The following SPATA16 variants were observed in gnomAD, a reference collection of about 807,000 sequenced individuals.
SPATA16 encodes spermatogenesis associated 16.
In SPATA16, 36 loss-of-function variants were observed where a neutral mutation model predicts 63.3. The observed-to-expected ratio is 0.57, with a 90% CI of 0.44 to 0.75. The LOEUF (loss-of-function observed/expected upper bound fraction) is 0.75, where lower values mean the gene tolerates loss of function less well. Among genes scored for constraint, SPATA16 ranks in the 30% least tolerant of loss-of-function variants. The pLI is 0.00. For missense variants in SPATA16, 646 were observed against 679.3 expected, an observed-to-expected ratio of 0.95 and a Z score of 0.54; for synonymous variants, 203 against 216.7, an observed-to-expected ratio of 0.94 and a Z score of 0.56.
intron 2 of SPATA16, among the ~76,000 whole-genome samples, chr3:173,090,929 C>T (rs1281615723): frequency 6.6e-6 from 1 of 152,030 alleles, no homozygotes; most frequent in Non-Finnish European, 1.5e-5. Context: ...CTTCTGGGCA[C>T]CTCTCTTTTT....
chr3:173,006,708 C>A (rs1196150606), intron 4 of SPATA16, among the ~76,000 whole-genome samples: 2 of 152,188 alleles, frequency 1.3e-5, no homozygotes, highest in African/African-American at 4.8e-5. Flanking sequence ...TGAGTGATTA[C>A]TTATCTACAG....
rs532127989 is a variant in SPATA16, at chr3:172,896,475, C to T, written c.1588-6783G>A. 7.6e-4 allele frequency among the ~76,000 whole-genome samples: 115 copies of T among 152,304 alleles called. 1 individual carries two copies. The highest frequency in any genetic ancestry group is 2.7e-3 in the African/African-American group (111 of 41,556). On this transcript the variant is annotated intron_variant, in intron 10 of 10. Coordinates refer to ENST00000351008, the MANE Select transcript of SPATA16 (RefSeq NM_031955.6). ...TGACTTCGTGATCCGCCTGCCTTGG[C>T]CTCCCAAAGTGCTGGGATTACAGGC...
intron 2 of SPATA16, among the ~76,000 whole-genome samples, chr3:173,096,562 A>G (rs1577172472): frequency 6.6e-6 from 1 of 152,266 alleles, no homozygotes; most frequent in East Asian, 1.9e-4. Flanking sequence ...GATAAAAAAT[A>G]TTAGTAATAC....
At chr3:172,920,908 T>G (rs559090770) in intron 8 of SPATA16, among the ~76,000 whole-genome samples, 1 of 152,328 alleles carries the variant, frequency 6.6e-6, no homozygotes, top group Admixed American at 6.5e-5. Context: ...CCTGCTGTTA[T>G]GAATGCTGAA....
Position 173,088,028 on chromosome 3 carries a change from T to C in SPATA16, c.612+29092A>G, listed in dbSNP as rs1431238186. 2.2e-3 allele frequency among the ~76,000 whole-genome samples: 279 copies of C among 124,232 alleles called. 6 individuals carry two copies. The highest frequency in any genetic ancestry group is 7.6e-3 in the African/African-American group (261 of 34,266). The allele number at this position is 124,232 out of a possible 152,430, so 81.5% of individuals were successfully genotyped here. On this transcript the variant is annotated intron_variant, in intron 2 of 10. Coordinates refer to ENST00000351008, the MANE Select transcript of SPATA16 (RefSeq NM_031955.6). ...TTTCCGTCTTTCTTTCTTTCTTTCTTTCTTTCTTTCTTTCTTTCTTTCTTT... is the reference window on the plus strand; with the variant it reads ...TTTCCGTCTTTCTTTCTTTCTTTCTCTCTTTCTTTCTTTCTTTCTTTCTTT...
Position 173,002,760 on chromosome 3 carries a change from T to TATTC in SPATA16, c.848+16722_848+16725dup, listed in dbSNP as rs150406382. ...GTAGCATACAGACAAAAGATCAACA[T>TATTC]ATTCATATATGGAAAATGGATGTGG... is the stretch of plus-strand genomic sequence containing the variant. On this transcript the variant is annotated intron_variant, in intron 4 of 10. Coordinates refer to ENST00000351008, the MANE Select transcript of SPATA16 (RefSeq NM_031955.6). Among the ~76,000 whole-genome samples the TATTC allele has an allele frequency of 3.8e-3, 581 of 152,208 alleles. 3 individuals are homozygous for TATTC. Among genetic ancestry groups the TATTC allele is most frequent in the African/African-American group, 0.014 (565 of 41,520 alleles).
chr3:172,986,853 G>A (rs1443211822), intron 4 of SPATA16, among the ~76,000 whole-genome samples: 1 of 152,138 alleles, frequency 6.6e-6, no homozygotes, highest in East Asian at 1.9e-4. Context: ...GGAGGTGATT[G>A]CAGGAATTCT....
At chr3:173,002,955 T>A (rs575234369) in intron 4 of SPATA16, among the ~76,000 whole-genome samples, 19 of 152,314 alleles carry the variant, frequency 1.2e-4, no homozygotes, top group South Asian at 4.1e-4. Flanking sequence ...CTGTAAAATG[T>A]TCATAGATAT....
intron 2 of SPATA16, among the ~76,000 whole-genome samples, chr3:173,086,043 G>A (rs1737043254): frequency 6.6e-6 from 1 of 151,964 alleles, no homozygotes; most frequent in Admixed American, 6.6e-5. Flanking sequence ...GGTGATGCTG[G>A]CCTCATAAAA....
chr3:173,127,215 T>TAA (rs1738249045), intron 1 of SPATA16, among the ~76,000 whole-genome samples: 1 of 152,152 alleles, frequency 6.6e-6, no homozygotes, highest in South Asian at 2.1e-4. Context: ...GGCACACACA[T>TAA]AAAAACATTT....
At chr3:173,030,737 A>G (rs543264048) in intron 3 of SPATA16, among the ~76,000 whole-genome samples, 1 of 152,212 alleles carries the variant, frequency 6.6e-6, no homozygotes, top group South Asian at 2.1e-4. Context: ...GTATATACCT[A>G]AAATAATTGA....
chr3:173,110,844 A>G (rs1337242485), intron 2 of SPATA16, among the ~76,000 whole-genome samples: 1 of 152,232 alleles, frequency 6.6e-6, no homozygotes, highest in Non-Finnish European at 1.5e-5. Flanking sequence ...GGGCAATGGC[A>G]GTCACTTGAG....
intron 5 of SPATA16, among the ~76,000 whole-genome samples, chr3:172,961,112 T>G (rs1577108050): frequency 6.7e-6 from 1 of 149,916 alleles, no homozygotes; most frequent in African/African-American, 2.5e-5. Context: ...CTTCCTTCCT[T>G]CCTTCCTTCC....
At chr3:173,114,402 A>G (rs1737837304) in intron 2 of SPATA16, among the ~76,000 whole-genome samples, 1 of 152,160 alleles carries the variant, frequency 6.6e-6, no homozygotes, top group South Asian at 2.1e-4. Flanking sequence ...AAAAATGAAA[A>G]TGGTGTGCTC....
chr3:172,896,579 G>A (rs1208568998), intron 10 of SPATA16, among the ~76,000 whole-genome samples: 3 of 152,194 alleles, frequency 2.0e-5, no homozygotes, highest in African/African-American at 4.8e-5. Context: ...TAATGTATGA[G>A]TGATCTAATT....
intron 2 of SPATA16, among the ~76,000 whole-genome samples, chr3:173,087,922 ATGACT>A (rs1737100881): frequency 6.6e-6 from 1 of 151,912 alleles, no homozygotes; most frequent in Admixed American, 6.6e-5. Context: ...CCCATTGTAG[ATGACT>A]TGACCTTTCT....
chr3:173,129,934 A>G (rs926197349), intron 1 of SPATA16, among the ~76,000 whole-genome samples: 4 of 152,174 alleles, frequency 2.6e-5, no homozygotes, highest in African/African-American at 9.7e-5. Context: ...CACAAATAGA[A>G]CCTGAGGCAT....
At chr3:173,119,155 A>G (rs1289417298) in intron 1 of SPATA16, among the ~76,000 whole-genome samples, 1 of 151,232 alleles carries the variant, frequency 6.6e-6, no homozygotes, top group Non-Finnish European at 1.5e-5. Context: ...GGGCCTGTCG[A>G]GGGGGTGTGG....
At chr3:173,082,111 T>A (rs752548604) in intron 2 of SPATA16, among the ~76,000 whole-genome samples, 1 of 152,128 alleles carries the variant, frequency 6.6e-6, no homozygotes, top group Non-Finnish European at 1.5e-5. Context: ...TAAGTTTAGA[T>A]CTTTCTTTTA....
Sources: gnomAD v4.1 joint callset for allele counts (sites outside exome capture counted in the v4.1 genomes callset) on GRCh38, gnomAD v4.1.1 for gene constraint, MANE v1.5 for transcripts, NCBI Gene and HGNC (gene_info 2026-07-23, HGNC 2026-07-21) for gene names.